PTPN1: variants seen among roughly 807,000 people sequenced by gnomAD.
PTPN1 encodes the protein tyrosine-protein phosphatase non-receptor type 1.
PTPN1 carries 12 observed loss-of-function variants against 59.9 expected under a neutral mutation model. The ratio of observed to expected loss-of-function variants is 0.20; its 90% confidence interval spans 0.13 to 0.32. The LOEUF (loss-of-function observed/expected upper bound fraction) is 0.32. Among genes scored for constraint, PTPN1 ranks in the 10% least tolerant of loss-of-function variants. PTPN1 has a pLI of 1.00. For missense variants in PTPN1, 356 were observed against 549.2 expected (o/e 0.65, Z 3.52); for synonymous variants, 178 against 203.6 (o/e 0.87, Z 1.07).
chr20:50,545,303 A>AT (rs2082670313), intron 1 of PTPN1, among the ~76,000 whole-genome samples: 1 of 152,098 alleles, frequency 6.6e-6, no homozygotes, highest in Non-Finnish European at 1.5e-5. Flanking sequence ...TGAACATTGC[A>AT]TGCCTTCGTA....
At chr20:50,553,687 C>G (rs2082713474) in intron 1 of PTPN1, among the ~76,000 whole-genome samples, 1 of 152,074 alleles carries the variant, frequency 6.6e-6, no homozygotes, top group Admixed American at 6.6e-5. Flanking sequence ...ACATTAGAAG[C>G]AAGCCCAGAA....
rs766909908 is a variant in PTPN1, at chr20:50,585,093, A to G, written c.*2378A>G. ...TGTTTTGAGTTGTAATCTCAAAACC[A>G]TATCCCTTACCCAATTACCTGTAAG... On this transcript the variant is annotated 3_prime_UTR_variant, in exon 10 of 10. Coordinates refer to ENST00000371621, the MANE Select transcript of PTPN1 (RefSeq NM_002827.4). 1 of 152,212 alleles carries G rather than the reference A, an allele frequency of 6.6e-6. No homozygotes were observed. Among genetic ancestry groups the G allele is most frequent in the Non-Finnish European group, 1.5e-5 (1 of 68,038 alleles). The allele number at this position is 152,212 out of a possible 1,614,324, so 9.4% of individuals were successfully genotyped here.
rs1374534983 is a variant in PTPN1 at position 50,582,097 on chromosome 20, A to G, written c.1285-595A>G. ...CAGCAACAAAAGGCCGTCTAGAAAA[A>G]CAGAACCTGCCTCTGCTTCTGCTCA... On this transcript the variant is annotated intron_variant, in intron 9 of 9. Coordinates refer to ENST00000371621, the MANE Select transcript of PTPN1 (RefSeq NM_002827.4). The surrounding 1 kb of genome is among the most constrained non-coding windows in gnomAD (Gnocchi z 4.2). Among the ~76,000 whole-genome samples, 1 of 152,160 alleles carries G rather than the reference A, an allele frequency of 6.6e-6. No individual in the cohort carries two copies. Among genetic ancestry groups the G allele is most frequent in the Admixed American group, 6.5e-5 (1 of 15,278 alleles).
intron 1 of PTPN1, among the ~76,000 whole-genome samples, chr20:50,529,599 T>A (rs778332008): frequency 5.3e-4 from 80 of 152,318 alleles, no homozygotes; most frequent in Non-Finnish European, 9.0e-4. Context: ...TTGTTTTTGT[T>A]TTTAACTTTT....
chr20:50,569,345 T>A (rs1343351710), intron 4 of PTPN1, among the ~76,000 whole-genome samples: 1 of 152,200 alleles, frequency 6.6e-6, no homozygotes, highest in Non-Finnish European at 1.5e-5. Flanking sequence ...CTTACCATGT[T>A]CTCTGGGCCG....
chr20:50,537,207 C>T (rs1397507753), intron 1 of PTPN1, among the ~76,000 whole-genome samples: 2 of 152,110 alleles, frequency 1.3e-5, no homozygotes, highest in African/African-American at 4.8e-5. Context: ...CCTGTAATCC[C>T]AGCTAGTTGG....
chr20:50,573,802 G>A (rs1444408225), intron 4 of PTPN1: 1 of 152,094 alleles, frequency 6.6e-6, no homozygotes, highest in Non-Finnish European at 1.5e-5. Flanking sequence ...CACTAAATTC[G>A]AGTCAGTTTT....
At chr20:50,548,228 T>G (rs571317539) in intron 1 of PTPN1, among the ~76,000 whole-genome samples, 1 of 152,178 alleles carries the variant, frequency 6.6e-6, no homozygotes, top group African/African-American at 2.4e-5. Context: ...TTGACTGGGC[T>G]TAGTCTAGCG....
chr20:50,539,075 G>A (rs896002613), intron 1 of PTPN1, among the ~76,000 whole-genome samples: 1 of 104,228 alleles, frequency 9.6e-6, no homozygotes, highest in Admixed American at 1.5e-4. Flanking sequence ...CGCTCTTGTT[G>A]CCCAGGCTGG....
intron 1 of PTPN1, among the ~76,000 whole-genome samples, chr20:50,545,450 G>A (rs559759435): frequency 1.3e-5 from 2 of 152,188 alleles, no homozygotes; most frequent in African/African-American, 2.4e-5. Context: ...AATCTTTGCT[G>A]TTTATTCAGC....
intron 1 of PTPN1, among the ~76,000 whole-genome samples, chr20:50,545,505 A>G (rs1324128477): frequency 6.6e-6 from 1 of 152,214 alleles, no homozygotes. Context: ...CATCTCCCTC[A>G]TGGATTAGTC....
intron 1 of PTPN1, among the ~76,000 whole-genome samples, chr20:50,538,379 A>G (rs2082633358): frequency 6.6e-6 from 1 of 152,174 alleles, no homozygotes; most frequent in East Asian, 1.9e-4. Flanking sequence ...AAATGTAGAA[A>G]CAGGAGATAA....
At chr20:50,521,194 G>A (rs2082549560) in intron 1 of PTPN1, among the ~76,000 whole-genome samples, 1 of 152,208 alleles carries the variant, frequency 6.6e-6, no homozygotes, top group Non-Finnish European at 1.5e-5. Flanking sequence ...ATGGATGAAT[G>A]TAGTTCCTTT....
chr20:50,567,865 C>T (rs2082786361), intron 3 of PTPN1, among the ~76,000 whole-genome samples: 1 of 152,224 alleles, frequency 6.6e-6, no homozygotes. Context: ...TAGAAATGAA[C>T]ATACTTCATT....
intron 1 of PTPN1, among the ~76,000 whole-genome samples, chr20:50,510,821 C>T (rs1442432123): frequency 1.3e-5 from 2 of 151,978 alleles, no homozygotes; most frequent in African/African-American, 4.8e-5. Context: ...CCCTTCTGTT[C>T]TCCAGCTCGG....
rs779310880 is a variant in PTPN1 at position 50,579,165 on chromosome 20, C to G, written c.703-3C>G. On this transcript the variant is annotated splice_polypyrimidine_tract_variant and splice_region_variant and intron_variant, in intron 6 of 9. Coordinates refer to ENST00000371621, the MANE Select transcript of PTPN1 (RefSeq NM_002827.4). ...TGACTTATATCTCCTCTCTGGCTTT[C>G]AGATGGACAAGAGGAAAGACCCTTC... 6.2e-7 allele frequency: 1 copy of G among 1,614,046 alleles called. No homozygotes were observed. The highest frequency in any genetic ancestry group is 8.5e-7 in the Non-Finnish European group (1 of 1,179,932).
intron 3 of PTPN1, among the ~76,000 whole-genome samples, 187 bp downstream of exon 3, chr20:50,565,256 T>C (rs2082773567): frequency 6.6e-6 from 1 of 152,204 alleles, no homozygotes; most frequent in African/African-American, 2.4e-5. Flanking sequence ...ACGCTAATCT[T>C]TTCTGGGAAG....
rs1410854108 is a variant in PTPN1, at chr20:50,579,734, T to C, written c.896T>C (p.Leu299Pro). Residue 299 changes from leucine to proline, a missense_variant, in exon 8 of 10, where the codon CTG becomes CCG. This residue lies in a region of PTPN1 where 100 missense variants were observed against 107.7 expected (regional missense o/e 0.93). Transcript: ENST00000371621. ...TGGAAGGAGCTTTCCCACGAGGACC[T>C]GGAGCCCCCACCCGAGCATATCCCC... Reference protein sequence around the residue: ...DQWKELSHEDLEPPPEHIPPP... With the variant: ...DQWKELSHEDPEPPPEHIPPP... The C allele has an allele frequency of 1.9e-6, 3 of 1,612,600 alleles. No homozygotes were observed. The highest frequency in any genetic ancestry group is 2.5e-6 in the Non-Finnish European group (3 of 1,179,874).
At chr20:50,577,660 G>C (rs964902314) in intron 5 of PTPN1, 1 of 152,296 alleles carries the variant, frequency 6.6e-6, no homozygotes, top group Non-Finnish European at 1.5e-5. Flanking sequence ...GGCAGACCCA[G>C]CCACGGAAGA....
Sources: allele counts gnomAD v4.1 joint callset (sites outside exome capture counted in the v4.1 genomes callset), GRCh38; gene constraint gnomAD v4.1.1; regional missense constraint gnomAD v4.1.1; non-coding constraint Gnocchi (gnomAD v3.1); transcripts MANE v1.5; gene names NCBI Gene and HGNC (gene_info 2026-07-23, HGNC 2026-07-21).